The following ZBTB8A variants were observed in gnomAD, a reference collection of about 807,000 sequenced individuals.
ZBTB8A encodes the protein zinc finger and BTB domain containing 8A.
Under a neutral mutation model 37.8 loss-of-function variants are expected in ZBTB8A, and 19 were observed. The observed-to-expected ratio is 0.50, with a 90% CI of 0.35 to 0.74. The LOEUF is 0.74. ZBTB8A is among the 30% of genes least tolerant of loss of function. ZBTB8A has a pLI of 0.01. For synonymous variants in ZBTB8A, 181 were observed against 185.2 expected (o/e 0.98, Z 0.19); for missense variants, 394 against 537.8 (o/e 0.73, Z 2.65).
At chr1:32,591,062 CTTT>C (rs568744807) in intron 2 of ZBTB8A, among the ~76,000 whole-genome samples, 3 of 123,888 alleles carry the variant, frequency 2.4e-5, no homozygotes, top group Non-Finnish European at 1.7e-5. Flanking sequence ...CCCAGCTAAA[CTTT>C]TTTTTTTTTT....
chr1:32,592,242 GCT>G, intron 2 of ZBTB8A, among the ~76,000 whole-genome samples: 1 of 152,158 alleles, frequency 6.6e-6, no homozygotes, highest in East Asian at 1.9e-4. Context: ...AATAAAAGAG[GCT>G]TCTGATTATT....
chr1:32,550,471 T>C (rs1644143169), intron 1 of ZBTB8A, among the ~76,000 whole-genome samples: 3 of 151,560 alleles, frequency 2.0e-5, no homozygotes, highest in South Asian at 2.1e-4. Context: ...ACAAAAAAAA[T>C]AGCCAGGTGT....
At chr1:32,580,550 G>C (rs1376649669) in intron 2 of ZBTB8A, among the ~76,000 whole-genome samples, 1 of 136,886 alleles carries the variant, frequency 7.3e-6, no homozygotes, top group Non-Finnish European at 1.6e-5. Context: ...GATTCTGTCT[G>C]AAAAAAAAAA....
intron 2 of ZBTB8A, among the ~76,000 whole-genome samples, chr1:32,565,264 T>C (rs1644269783): frequency 6.6e-6 from 1 of 152,080 alleles, no homozygotes; most frequent in Non-Finnish European, 1.5e-5. Context: ...ACACTGAGGC[T>C]GCAGTGAGCC....
intron 2 of ZBTB8A, among the ~76,000 whole-genome samples, chr1:32,568,956 TG>T (rs1334378056): frequency 6.6e-6 from 1 of 152,240 alleles, no homozygotes; most frequent in Non-Finnish European, 1.5e-5. Context: ...TGTAGTCATG[TG>T]TTTTCATTTC....
chr1:32,594,348 G>C (rs956962294), intron 3 of ZBTB8A, among the ~76,000 whole-genome samples: 4 of 151,854 alleles, frequency 2.6e-5, no homozygotes, highest in Non-Finnish European at 5.9e-5. Flanking sequence ...TGGGTGGTTA[G>C]ATTACTCTTA....
intron 4 of ZBTB8A, among the ~76,000 whole-genome samples, chr1:32,599,503 G>A (rs1334065237): frequency 6.6e-6 from 1 of 152,026 alleles, no homozygotes. Context: ...CAGATGACGA[G>A]GTCAGGAGTT....
chr1:32,550,957 C>CA (rs530419945), intron 1 of ZBTB8A, among the ~76,000 whole-genome samples: 9,191 of 68,752 alleles, frequency 0.13, 350 homozygotes, highest in East Asian at 0.19. Flanking sequence ...GACTCCGTCT[C>CA]AAAAAAAAAA....
chr1:32,562,113 TTTTG>T (rs1367288871), intron 2 of ZBTB8A, among the ~76,000 whole-genome samples: 4 of 146,330 alleles, frequency 2.7e-5, no homozygotes, highest in African/African-American at 5.2e-5. Flanking sequence ...ATTTTTTAAT[TTTTG>T]TTTGTTTTTT....
At chr1:32,561,053 A>G (rs780705414) in intron 2 of ZBTB8A, among the ~76,000 whole-genome samples, 34 of 152,036 alleles carry the variant, frequency 2.2e-4, no homozygotes, top group Middle Eastern at 3.4e-3. Context: ...TCTCCTTTGC[A>G]TAGAACCCCT....
chr1:32,575,741 A>G (rs1222670017), intron 2 of ZBTB8A, among the ~76,000 whole-genome samples: 1 of 151,650 alleles, frequency 6.6e-6, no homozygotes, highest in Non-Finnish European at 1.5e-5. Context: ...AGTCCCAGCT[A>G]CTCGGGGGGC....
In ZBTB8A at chr1:32,603,587, C is replaced by T. The variant is rs1170359758; in HGVS notation, c.*3168C>T. On this transcript the variant is annotated 3_prime_UTR_variant, in exon 5 of 5. Coordinates refer to ENST00000373510, the MANE Select transcript of ZBTB8A (RefSeq NM_001040441.3). Reference sequence around the variant, plus strand: ...AAAATGGCTGATTTGAACTTTTTTCCTATAAATGAAGTAGTGCTTGCATGT... The same window carrying T: ...AAAATGGCTGATTTGAACTTTTTTCTTATAAATGAAGTAGTGCTTGCATGT... The T allele has an allele frequency of 6.6e-6, 1 of 152,560 alleles. No homozygotes were observed. Among genetic ancestry groups the T allele is most frequent in the South Asian group, 2.1e-4 (1 of 4,832 alleles). The allele number at this position is 152,560 out of a possible 1,614,324, so 9.5% of individuals were successfully genotyped here. A position where few individuals can be genotyped will look rare whatever the true frequency, so the allele number is the denominator to read the frequency against.
At chr1:32,574,071 C>CT (rs1644343069) in intron 2 of ZBTB8A, among the ~76,000 whole-genome samples, 1 of 151,734 alleles carries the variant, frequency 6.6e-6, no homozygotes, top group South Asian at 2.1e-4. Context: ...AGCGAAAACT[C>CT]TGTCTCAAAA....
chr1:32,558,250 A>G (rs16835014), intron 2 of ZBTB8A, among the ~76,000 whole-genome samples: 17,242 of 151,980 alleles, frequency 0.11, 1,073 homozygotes, highest in African/African-American at 0.18. Flanking sequence ...CAAACCTTAA[A>G]CAAGAGGTAA....
chr1:32,589,177 A>AT (rs1475388543), intron 2 of ZBTB8A, among the ~76,000 whole-genome samples: 1 of 151,926 alleles, frequency 6.6e-6, no homozygotes, highest in Non-Finnish European at 1.5e-5. Flanking sequence ...CAAGGGGAGG[A>AT]TTTTTTTGTT....
rs181206780 is a variant in ZBTB8A at position 32,552,713 on chromosome 1, T to G, written c.-83-746T>G. Among the ~76,000 whole-genome samples, 3 of 151,928 alleles carry G rather than the reference T, an allele frequency of 2.0e-5. No individual in the cohort carries two copies. The East Asian group carries it at 5.8e-4, about 29-fold the overall frequency. Reference sequence around the variant, plus strand: ...AAAAAGGATTGCTTTTGATTTGCCATAATATATTTTAATATTGGAAATCTC... The same window carrying G: ...AAAAAGGATTGCTTTTGATTTGCCAGAATATATTTTAATATTGGAAATCTC... On this transcript the variant is annotated intron_variant, in intron 1 of 4. Transcript: ENST00000373510.
At position 32,600,793 on chromosome 1, in the gene ZBTB8A, T is replaced by C. The variant is rs1644570149; in HGVS notation, c.*374T>C. The C allele has an allele frequency of 5.9e-6, 1 of 169,378 alleles. No individual in the cohort carries two copies. The highest frequency in any genetic ancestry group is 5.8e-5 in the Admixed American group (1 of 17,204). The allele number at this position is 169,378 out of a possible 1,614,324, so 10.5% of individuals were successfully genotyped here. ...ATAAATTCACCACAACCAAACTTTA[T>C]GTAAGACAATTTCAAGGTGTTTCAA... On this transcript the variant is annotated 3_prime_UTR_variant, in exon 5 of 5. Transcript: ENST00000373510.
At position 32,601,693 on chromosome 1, in the gene ZBTB8A, T is replaced by C; in HGVS notation, c.*1274T>C. The C allele has an allele frequency of 2.5e-6, 1 of 398,550 alleles. No homozygotes were observed. The highest frequency in any genetic ancestry group is 2.1e-5 in the African/African-American group (1 of 48,760). The allele number at this position is 398,550 out of a possible 1,614,324, so 24.7% of individuals were successfully genotyped here. A position where few individuals can be genotyped will look rare whatever the true frequency, so the allele number is the denominator to read the frequency against. The stretch of plus-strand genomic sequence containing the variant: ...GATTTTAAACAATCCTCTTTCAGCC[T>C]TCTCTCCCTGTATGTCTCCTGAAAT... On this transcript the variant is annotated 3_prime_UTR_variant, in exon 5 of 5. Transcript: ENST00000373510.
intron 1 of ZBTB8A, among the ~76,000 whole-genome samples, chr1:32,544,435 C>T (rs911121097): frequency 6.6e-5 from 10 of 152,216 alleles, no homozygotes; most frequent in African/African-American, 1.2e-4. Flanking sequence ...CAGTGGCTCA[C>T]GCCTGTAATC....
Sources: allele counts gnomAD v4.1 joint callset (sites outside exome capture counted in the v4.1 genomes callset), GRCh38; gene constraint gnomAD v4.1.1; transcripts MANE v1.5; gene names NCBI Gene and HGNC (gene_info 2026-07-23, HGNC 2026-07-21).